The following FGF14 variants were observed in gnomAD, a reference collection of about 807,000 sequenced individuals.
FGF14 encodes the protein fibroblast growth factor homologous factor 4.
In FGF14, 5 loss-of-function variants were observed where a neutral mutation model predicts 25.5. The observed-to-expected ratio is 0.20, with a 90% CI of 0.10 to 0.41. The LOEUF is 0.41. FGF14 is among the 10% of genes least tolerant of loss of function. FGF14 has a pLI of 1.00. For missense variants in FGF14, 222 were observed against 320.1 expected (o/e 0.69, Z 2.34); for synonymous variants, 138 against 118.3 (o/e 1.17, Z -1.08).
Position 101,820,244 on chromosome 13 carries a change from GA to G in FGF14, c.408+48480del, listed in dbSNP as rs1001373181. Among the ~76,000 whole-genome samples, 45 of 149,836 alleles carry G rather than the reference GA, an allele frequency of 3.0e-4. 1 individual carries two copies. The highest frequency in any genetic ancestry group is 1.8e-3 in the East Asian group (9 of 5,096). On this transcript the variant is annotated intron_variant, in intron 3 of 4. Coordinates refer to ENST00000376143, the MANE Select transcript of FGF14 (RefSeq NM_004115.4). ...GTGTTCTGTAATGAGATTGTATAAA[GA>G]AAAAAAAACAGTTTTTCAGCAGATA...
chr13:102,102,019 A>G (rs1445323371), intron 1 of FGF14, among the ~76,000 whole-genome samples: 1 of 151,996 alleles, frequency 6.6e-6, no homozygotes, highest in African/African-American at 2.4e-5. Flanking sequence ...TCCTTTATGA[A>G]CTACACCCTG....
intron 1 of FGF14, among the ~76,000 whole-genome samples, chr13:102,194,317 G>A (rs1418349820): frequency 6.6e-6 from 1 of 151,950 alleles, no homozygotes; most frequent in Admixed American, 6.6e-5. Flanking sequence ...TACAGGACGT[G>A]CAGGTTTGTT....
chr13:102,309,135 TACACACACACACACAC>T (rs34911009), intron 1 of FGF14, among the ~76,000 whole-genome samples: 34 of 142,566 alleles, frequency 2.4e-4, no homozygotes, highest in Non-Finnish European at 4.7e-4. Flanking sequence ...ATGCATAACA[TACACACACACACACAC>T]ACACACACAC....
chr13:102,007,825 T>C (rs1371152356), intron 1 of FGF14, among the ~76,000 whole-genome samples: 2 of 152,240 alleles, frequency 1.3e-5, no homozygotes, highest in Non-Finnish European at 2.9e-5. Flanking sequence ...AATATAATAA[T>C]GAGAAAGCTA....
intron 1 of FGF14, among the ~76,000 whole-genome samples, chr13:102,178,074 A>G (rs192575310): frequency 1.2e-3 from 177 of 152,150 alleles, no homozygotes; most frequent in Non-Finnish European, 2.1e-3. Flanking sequence ...CTCCAGCACA[A>G]ACATAGCACT....
chr13:101,891,516 G>A (rs2046266519), intron 1 of FGF14, among the ~76,000 whole-genome samples: 1 of 152,176 alleles, frequency 6.6e-6, no homozygotes, highest in Non-Finnish European at 1.5e-5. Flanking sequence ...AATAACAACA[G>A]TAATAAGAAT....
chr13:102,112,908 T>C (rs970328896), intron 1 of FGF14, among the ~76,000 whole-genome samples: 4 of 152,178 alleles, frequency 2.6e-5, no homozygotes, highest in Non-Finnish European at 5.9e-5. Context: ...GGGTTCAGTA[T>C]TCCAAAGATT....
intron 1 of FGF14, among the ~76,000 whole-genome samples, chr13:102,342,236 G>T (rs536098912): frequency 5.3e-5 from 8 of 152,252 alleles, no homozygotes; most frequent in Admixed American, 4.6e-4. Context: ...AAAGTAAGCG[G>T]TGGCATAACT....
At chr13:101,812,637 A>T (rs1328480232) in intron 3 of FGF14, among the ~76,000 whole-genome samples, 8 of 11,766 alleles carry the variant, frequency 6.8e-4, no homozygotes, top group East Asian at 2.2e-3. Context: ...ATATATATAT[A>T]TATATATATA....
intron 1 of FGF14, among the ~76,000 whole-genome samples, chr13:102,311,871 A>C (rs1303385081): frequency 6.6e-6 from 1 of 152,220 alleles, no homozygotes; most frequent in Non-Finnish European, 1.5e-5. Flanking sequence ...TGTGCTAAAA[A>C]GTCTCTTTCA....
chr13:101,776,540 C>T (rs972890733), intron 3 of FGF14, among the ~76,000 whole-genome samples: 3 of 151,988 alleles, frequency 2.0e-5, no homozygotes, highest in Non-Finnish European at 4.4e-5. Flanking sequence ...AGGCAGCCTT[C>T]GAGGGTGTCT....
chr13:101,809,017 G>A (rs189634844), intron 3 of FGF14, among the ~76,000 whole-genome samples: 1 of 152,126 alleles, frequency 6.6e-6, no homozygotes, highest in East Asian at 1.9e-4. Flanking sequence ...GACAACATTT[G>A]AATGCATGCT....
intron 1 of FGF14, among the ~76,000 whole-genome samples, chr13:101,951,553 T>A (rs1347025053): frequency 6.6e-6 from 1 of 152,162 alleles, no homozygotes; most frequent in African/African-American, 2.4e-5. Flanking sequence ...AAATTATATT[T>A]CCCAAGAAAA....
chr13:102,352,804 T>A (rs1227607130), intron 1 of FGF14, among the ~76,000 whole-genome samples: 1 of 141,442 alleles, frequency 7.1e-6, no homozygotes, highest in East Asian at 2.0e-4. Flanking sequence ...AGAGCGAGAC[T>A]CTGTCTCAAA....
intron 1 of FGF14, chr13:102,293,060 GC>G (rs1266433987): frequency 6.6e-6 from 1 of 152,284 alleles, no homozygotes; most frequent in African/African-American, 2.4e-5. Context: ...ACAAGGATTA[GC>G]AAATTGCAGC....
In FGF14 at chr13:102,161,549, T is replaced by C. The variant is rs2047626086; in HGVS notation, c.208+239922A>G. ...AGTTGTAAAATATCAATATTCTCTA[T>C]GCAACCAACTTTCTGTGAAGAAAGA... is the stretch of plus-strand genomic sequence containing the variant. On this transcript the variant is annotated intron_variant, in intron 1 of 4. Transcript: ENST00000376131. Among the ~76,000 whole-genome samples the C allele has an allele frequency of 3.4e-5, 5 of 145,180 alleles. 1 individual carries two copies. In the South Asian group the frequency reaches 1.1e-3, roughly 32 times the overall value.
chr13:102,211,506 C>A (rs1162683215), intron 1 of FGF14, among the ~76,000 whole-genome samples: 1 of 152,046 alleles, frequency 6.6e-6, no homozygotes, highest in Admixed American at 6.6e-5. Context: ...ATCTTTGGTT[C>A]AATTACTTCC....
At chr13:101,821,344 T>G (rs776212148) in intron 3 of FGF14, among the ~76,000 whole-genome samples, 1 of 152,220 alleles carries the variant, frequency 6.6e-6, no homozygotes, top group Non-Finnish European at 1.5e-5. Flanking sequence ...GTCTGTGAGA[T>G]CCATCTGAGT....
At chr13:101,860,180 G>GT (rs1290991424) in intron 3 of FGF14, among the ~76,000 whole-genome samples, 3 of 152,002 alleles carry the variant, frequency 2.0e-5, no homozygotes, top group African/African-American at 7.2e-5. Context: ...AAAATTTAAT[G>GT]TCTTGCTTTC....
Sources: gnomAD v4.1 joint callset for allele counts (sites outside exome capture counted in the v4.1 genomes callset) on GRCh38, gnomAD v4.1.1 for gene constraint, MANE v1.5 for transcripts, NCBI Gene and HGNC (gene_info 2026-07-23, HGNC 2026-07-21) for gene names.